The following ATP6V1E1 variants were observed in gnomAD, a reference collection of about 807,000 sequenced individuals.
ATP6V1E1 encodes the protein V-type proton ATPase subunit E 1.
ATP6V1E1 carries 21 observed loss-of-function variants against 35.2 expected under a neutral mutation model. That is an observed-to-expected ratio of 0.60 (90% confidence interval 0.42 to 0.86). ATP6V1E1 has a LOEUF of 0.86. Among genes scored for constraint, ATP6V1E1 ranks in the 40% least tolerant of loss-of-function variants. The pLI is 0.00. For missense variants in ATP6V1E1, 183 were observed against 272.6 expected (o/e 0.67, Z 2.32); for synonymous variants, 83 against 87.8 (o/e 0.95, Z 0.30).
At chr22:17,604,116 C>T (rs545541801) in intron 4 of ATP6V1E1, among the ~76,000 whole-genome samples, 3 of 152,286 alleles carry the variant, frequency 2.0e-5, no homozygotes, top group East Asian at 3.9e-4. Flanking sequence ...TGTGTTATCC[C>T]TTGTCTGAAG....
intron 1 of ATP6V1E1, among the ~76,000 whole-genome samples, chr22:17,624,295 C>T (rs2057892779): frequency 2.6e-5 from 4 of 152,196 alleles, no homozygotes; most frequent in African/African-American, 7.2e-5. Flanking sequence ...GTGGCTGACA[C>T]CTGTAATCCC....
intron 3 of ATP6V1E1, 100 bp downstream of exon 3, chr22:17,613,111 G>A (rs1236191607): frequency 1.7e-5 from 17 of 1,009,600 alleles, no homozygotes; most frequent in Non-Finnish European, 1.5e-6. Flanking sequence ...GTAGTAGGTG[G>A]TCGAGTTAAG....
chr22:17,592,364 C>A lies in ATP6V1E1; in HGVS notation c.*310G>T. The A allele has an allele frequency of 2.6e-6, 1 of 378,574 alleles. No individual in the cohort carries two copies. Among genetic ancestry groups the A allele is most frequent in the Admixed American group, 3.9e-5 (1 of 25,916 alleles). 23.5% of individuals were successfully genotyped at this position (378,574 alleles called of 1,614,324 possible). ...AAACACCAAATACATCACCTTTAGG[C>A]CAGACGGAGAGTGGAGACCCAGGAA... On this transcript the variant is annotated 3_prime_UTR_variant, in exon 9 of 9. Transcript: ENST00000253413.
intron 8 of ATP6V1E1, among the ~76,000 whole-genome samples, chr22:17,593,563 T>G (rs905495991): frequency 6.6e-6 from 1 of 152,192 alleles, no homozygotes; most frequent in African/African-American, 2.4e-5. Context: ...GCTGAGAAAC[T>G]GAATTTTTCG....
At chr22:17,603,333 G>T (rs540855489) in intron 4 of ATP6V1E1, among the ~76,000 whole-genome samples, 3 of 152,058 alleles carry the variant, frequency 2.0e-5, no homozygotes, top group East Asian at 3.9e-4. Flanking sequence ...ACCAGCCGGG[G>T]CAACAGAGTG....
In ATP6V1E1 at chr22:17,594,721, T is replaced by C. The variant is rs2057722497; in HGVS notation, c.531-105A>G. ...AATGCCCTTGTCTTGGTGTGTAGAC[T>C]GCGCAACCTAAGCAACAGGCTTGAA... On this transcript the variant is annotated intron_variant, in intron 7 of 8. Transcript: ENST00000253413. 6.7e-6 allele frequency: 6 copies of C among 893,020 alleles called. No homozygotes were observed. The South Asian group carries it at 9.9e-5, about 15-fold the overall frequency. 55.3% of individuals were successfully genotyped at this position (893,020 alleles called of 1,614,324 possible). A position where few individuals can be genotyped will look rare whatever the true frequency, so the allele number is the denominator to read the frequency against.
chr22:17,625,024 G>A (rs1313085613), intron 1 of ATP6V1E1, among the ~76,000 whole-genome samples: 1 of 152,080 alleles, frequency 6.6e-6, no homozygotes, highest in Non-Finnish European at 1.5e-5. Context: ...TTCCTATATT[G>A]AAAGAAGCAG....
At chr22:17,619,273 C>G (rs1426957342) in intron 2 of ATP6V1E1, 188 bp downstream of exon 2, 1 of 571,966 alleles carries the variant, frequency 1.7e-6, no homozygotes, top group Non-Finnish European at 3.0e-6. Context: ...GCCTGGGCGA[C>G]AAGAGTGAAA....
rs747287561 is a variant in ATP6V1E1, at chr22:17,627,953, T to TA, written c.33+649dup. 2.8e-3 allele frequency among the ~76,000 whole-genome samples: 397 copies of TA among 141,360 alleles called. 3 individuals carry two copies. Among genetic ancestry groups the TA allele is most frequent in the Admixed American group, 6.2e-3 (87 of 14,122 alleles). The allele number at this position is 141,360 out of a possible 152,430, so 92.7% of individuals were successfully genotyped here. ...TAGCCTTAAGCATTTCCCTCAGGGT[T>TA]AAAAAAAAAAAAAGTGACAAGGCTG... On this transcript the variant is annotated intron_variant, in intron 1 of 8. Coordinates refer to ENST00000253413, the MANE Select transcript of ATP6V1E1 (RefSeq NM_001696.4).
chr22:17,607,984 T>A (rs1272345240), intron 4 of ATP6V1E1, among the ~76,000 whole-genome samples: 1 of 152,160 alleles, frequency 6.6e-6, no homozygotes, highest in South Asian at 2.1e-4. Flanking sequence ...ACTACCTCTG[T>A]TTCCCGCACA....
chr22:17,613,135 T>A (rs3747025), intron 3 of ATP6V1E1, 76 bp downstream of exon 3: 2 of 1,259,962 alleles, frequency 1.6e-6, no homozygotes, highest in African/African-American at 3.0e-5. Context: ...TGAATTTATA[T>A]ATGCCTGACT....
intron 1 of ATP6V1E1, among the ~76,000 whole-genome samples, chr22:17,627,441 T>C (rs960615577): frequency 2.0e-5 from 3 of 151,864 alleles, no homozygotes; most frequent in Non-Finnish European, 4.4e-5. Flanking sequence ...AGCCTGTATC[T>C]CACAAATGTT....
chr22:17,600,190 T>G, intron 5 of ATP6V1E1, 95 bp from the exon 6 acceptor site: 1 of 1,140,458 alleles, frequency 8.8e-7, no homozygotes, highest in East Asian at 2.5e-5. Flanking sequence ...ATCCTAACAC[T>G]TTGGAAGGCC....
At chr22:17,599,589 A>T (rs1355006078) in intron 6 of ATP6V1E1, among the ~76,000 whole-genome samples, 3 of 150,416 alleles carry the variant, frequency 2.0e-5, no homozygotes, top group African/African-American at 7.3e-5. Context: ...AAAAAAAAAA[A>T]AAAAAGGAAA....
In ATP6V1E1 at chr22:17,611,991, A is replaced by T. The variant is rs555039599; in HGVS notation, c.276+821T>A. 6.6e-5 allele frequency among the ~76,000 whole-genome samples: 10 copies of T among 152,226 alleles called. No homozygotes were observed. The East Asian group carries it at 1.5e-3, about 23-fold the overall frequency. ...GCTATTATAGAGAGATCTACTTTTT[A>T]TTTTACTTGCAAACTGGTTATTGTT... On this transcript the variant is annotated intron_variant, in intron 4 of 8. Transcript: ENST00000253413.
chr22:17,599,135 A>G (rs2057748348), intron 6 of ATP6V1E1, among the ~76,000 whole-genome samples: 1 of 152,118 alleles, frequency 6.6e-6, no homozygotes, highest in Non-Finnish European at 1.5e-5. Flanking sequence ...AATAATGGAG[A>G]GTTAGTGTTT....
intron 4 of ATP6V1E1, among the ~76,000 whole-genome samples, chr22:17,607,603 C>CA (rs1439992937): frequency 6.6e-6 from 1 of 152,134 alleles, no homozygotes; most frequent in Non-Finnish European, 1.5e-5. Context: ...CTGCTGCCAC[C>CA]ATTCTACTTC....
In ATP6V1E1 at chr22:17,623,813, A is replaced by G. The variant is rs547223961; in HGVS notation, c.34-4287T>C. On this transcript the variant is annotated intron_variant, in intron 1 of 8. Transcript: ENST00000253413. Reference sequence around the variant, plus strand: ...CTTGGCTACCAGATTTGACCAGACCAGCACAGCCTAGAGCAAACTGCGCTA... The same window carrying G: ...CTTGGCTACCAGATTTGACCAGACCGGCACAGCCTAGAGCAAACTGCGCTA... 3.9e-5 allele frequency among the ~76,000 whole-genome samples: 6 copies of G among 152,290 alleles called. No homozygotes were observed. In the South Asian group the frequency reaches 8.3e-4, roughly 21 times the overall value.
chr22:17,601,014 T>TA, intron 5 of ATP6V1E1, 78 bp downstream of exon 5: 1 of 1,169,074 alleles, frequency 8.6e-7, no homozygotes, highest in Non-Finnish European at 1.2e-6. Context: ...CAGGAAAAAA[T>TA]AGAGCTGGTC....
Sources: gnomAD v4.1 joint callset for allele counts (sites outside exome capture counted in the v4.1 genomes callset) on GRCh38, gnomAD v4.1.1 for gene constraint, MANE v1.5 for transcripts, NCBI Gene and HGNC (gene_info 2026-07-23, HGNC 2026-07-21) for gene names.